The following LIPC variants were observed in gnomAD, a reference collection of about 807,000 sequenced individuals.
LIPC encodes the protein hepatic triacylglycerol lipase.
Under a neutral mutation model 50.7 loss-of-function variants are expected in LIPC, and 44 were observed. That is an observed-to-expected ratio of 0.87 (90% CI 0.68 to 1.11). The LOEUF is 1.11. Among genes scored for constraint, LIPC ranks in the 50% most tolerant of loss-of-function variants. The pLI, the probability that LIPC is intolerant of heterozygous loss-of-function variation, is 0.00. For synonymous variants in LIPC, 271 were observed against 256.4 expected (o/e 1.06, Z -0.54); for missense variants, 697 against 648.2 (o/e 1.08, Z -0.82).
intron 3 of LIPC, among the ~76,000 whole-genome samples, chr15:58,542,316 A>G (rs527687553): frequency 8.5e-5 from 13 of 152,322 alleles, no homozygotes; most frequent in Admixed American, 7.8e-4. Flanking sequence ...AGGGGAAGAC[A>G]GGCAGGCAGG....
intron 1 of LIPC, among the ~76,000 whole-genome samples, chr15:58,493,620 T>C (rs1343323948): frequency 6.9e-6 from 1 of 145,496 alleles, no homozygotes; most frequent in Non-Finnish European, 1.5e-5. Flanking sequence ...ATTTATTACG[T>C]ATAAATAAAA....
intron 1 of LIPC, among the ~76,000 whole-genome samples, chr15:58,480,178 A>G (rs551076727): frequency 1.3e-5 from 2 of 152,330 alleles, no homozygotes; most frequent in East Asian, 3.9e-4. Flanking sequence ...AGCTAACATC[A>G]CATTCTGCTT....
intron 1 of LIPC, among the ~76,000 whole-genome samples, chr15:58,478,979 G>A (rs553171511): frequency 5.3e-5 from 8 of 152,328 alleles, no homozygotes; most frequent in Admixed American, 2.0e-4. Flanking sequence ...TCTAGGCCTC[G>A]GAGTTGAAGC....
intron 1 of LIPC, among the ~76,000 whole-genome samples, chr15:58,448,939 T>G (rs1414619169): frequency 6.6e-6 from 1 of 152,186 alleles, no homozygotes; most frequent in Non-Finnish European, 1.5e-5. Context: ...TTGTCTACCC[T>G]GAAGGACAAA....
intron 1 of LIPC, among the ~76,000 whole-genome samples, chr15:58,517,171 GAACTGTT>G (rs1342040793): frequency 6.6e-6 from 1 of 152,228 alleles, no homozygotes; most frequent in Non-Finnish European, 1.5e-5. Flanking sequence ...TGTTTGAGTA[GAACTGTT>G]AACTGCCTCA....
At chr15:58,458,866 G>A (rs1894230722) in intron 1 of LIPC, among the ~76,000 whole-genome samples, 1 of 152,140 alleles carries the variant, frequency 6.6e-6, no homozygotes. Context: ...CCATCTCTTT[G>A]TTCCTCAGGA....
chr15:58,548,141 G>T (rs1399503406), intron 5 of LIPC, among the ~76,000 whole-genome samples, 189 bp from the exon 6 acceptor site: 1 of 152,062 alleles, frequency 6.6e-6, no homozygotes, highest in Non-Finnish European at 1.5e-5. Flanking sequence ...GACTCAGAGG[G>T]TCTACTTCCC....
intron 1 of LIPC, among the ~76,000 whole-genome samples, chr15:58,444,343 G>A (rs1431670359): frequency 6.6e-6 from 1 of 152,176 alleles, no homozygotes; most frequent in Non-Finnish European, 1.5e-5. Flanking sequence ...CATACTCAGA[G>A]GGTGGTTTCT....
At chr15:58,537,079 C>T (rs758088930) in intron 1 of LIPC, among the ~76,000 whole-genome samples, 6 of 152,236 alleles carry the variant, frequency 3.9e-5, no homozygotes, top group Non-Finnish European at 8.8e-5. Context: ...TCCTCAGCCG[C>T]AGGGGAGCCC....
chr15:58,526,556 C>T (rs145400282), intron 1 of LIPC, among the ~76,000 whole-genome samples: 5 of 152,300 alleles, frequency 3.3e-5, no homozygotes, highest in East Asian at 1.9e-4. Context: ...CAAGGAGGGG[C>T]CTCCTTTTCT....
In LIPC at chr15:58,471,335, G is replaced by GGT. The variant is rs1555399303; in HGVS notation, c.88+39216_88+39217insTG. On this transcript the variant is annotated intron_variant, in intron 1 of 8. Coordinates refer to ENST00000299022, the MANE Select transcript of LIPC (RefSeq NM_000236.3). ...TTGTATTTTTAGTAGAGATGGGGGG[G>GGT]GGTGGTCTCACCATGTTGGCCAAGC... Among the ~76,000 whole-genome samples the GGT allele has an allele frequency of 1.2e-4, 17 of 141,080 alleles. 1 individual carries two copies. The highest frequency in any genetic ancestry group is 2.1e-4 in the Admixed American group (3 of 14,004). The allele number at this position is 141,080 out of a possible 152,430, so 92.6% of individuals were successfully genotyped here.
chr15:58,536,123 G>A (rs1203176560), intron 1 of LIPC, among the ~76,000 whole-genome samples: 1 of 152,340 alleles, frequency 6.6e-6, no homozygotes, highest in Middle Eastern at 3.4e-3. Flanking sequence ...GCAGTACGGT[G>A]CTGAGAGCAA....
intron 1 of LIPC, among the ~76,000 whole-genome samples, chr15:58,486,140 CTCTAT>C (rs1208770755): frequency 2.6e-5 from 4 of 152,166 alleles, no homozygotes; most frequent in African/African-American, 9.7e-5. Flanking sequence ...ACATGGACGG[CTCTAT>C]TCTAACAGTG....
In LIPC at chr15:58,469,894, T is replaced by C. The variant is rs144476490; in HGVS notation, c.88+37774T>C. ...GATGGGCACGTCACATTTTTCTCAA[T>C]GCTGGATGACATTCCATCACCTTCC... On this transcript the variant is annotated intron_variant, in intron 1 of 8. Transcript: ENST00000299022. Among the ~76,000 whole-genome samples the C allele has an allele frequency of 7.2e-5, 11 of 151,874 alleles. No individual in the cohort carries two copies. In the East Asian group the frequency reaches 1.7e-3, roughly 24 times the overall value.
intron 8 of LIPC, chr15:58,565,284 G>A: frequency 6.5e-7 from 1 of 1,535,692 alleles, no homozygotes. Context: ...CTGCTTCTGA[G>A]CTCTGACCCT....
chr15:58,565,377 G>C, intron 8 of LIPC: 2 of 1,507,712 alleles, frequency 1.3e-6, no homozygotes, highest in Non-Finnish European at 8.8e-7. Context: ...TGACCTGAAA[G>C]GGTGGCTAAA....
intron 1 of LIPC, among the ~76,000 whole-genome samples, chr15:58,515,980 T>C (rs910538643): frequency 6.6e-6 from 1 of 152,182 alleles, no homozygotes; most frequent in African/African-American, 2.4e-5. Context: ...AACACGGGGC[T>C]GTAATCATCG....
chr15:58,563,727 A>T lies in LIPC; in HGVS notation c.1388+4A>T. 1.2e-6 allele frequency: 2 copies of T among 1,611,294 alleles called. No homozygotes were observed. Among genetic ancestry groups the T allele is most frequent in the Non-Finnish European group, 1.7e-6 (2 of 1,179,074 alleles). ...AAGCAGGAGAAACCCAGCAAAGGTGACTGCTGATTCAATCTCCTATTAACG... is the reference window on the plus strand; with the variant it reads ...AAGCAGGAGAAACCCAGCAAAGGTGTCTGCTGATTCAATCTCCTATTAACG... On this transcript the variant is annotated splice_donor_region_variant and intron_variant, in intron 8 of 8. Transcript: ENST00000299022.
At chr15:58,461,311 A>C (rs1000305577) in intron 1 of LIPC, among the ~76,000 whole-genome samples, 1 of 152,194 alleles carries the variant, frequency 6.6e-6, no homozygotes, top group Non-Finnish European at 1.5e-5. Context: ...ATAGATAAGG[A>C]AACTGAAGTT....
Sources: allele counts gnomAD v4.1 joint callset (sites outside exome capture counted in the v4.1 genomes callset), GRCh38; gene constraint gnomAD v4.1.1; transcripts MANE v1.5; gene names NCBI Gene and HGNC (gene_info 2026-07-23, HGNC 2026-07-21).